BOC: variants seen among roughly 807,000 people sequenced by gnomAD.
BOC encodes BOC cell adhesion associated, oncogene regulated.
Under a neutral mutation model 112.0 loss-of-function variants are expected in BOC, and 76 were observed. That is an observed-to-expected ratio of 0.68 (90% CI 0.56 to 0.82). The LOEUF (loss-of-function observed/expected upper bound fraction) is 0.82. Among genes scored for constraint, BOC ranks in the 40% least tolerant of loss-of-function variants. The pLI is 0.00. For synonymous variants in BOC, 580 were observed against 599.8 expected, an observed-to-expected ratio of 0.97 and a Z score of 0.48; for missense variants, 1,309 against 1,511.7, an observed-to-expected ratio of 0.87 and a Z score of 2.22.
intron 9 of BOC, among the ~76,000 whole-genome samples, chr3:113,275,184 C>T (rs1043326419): frequency 6.6e-6 from 1 of 152,208 alleles, no homozygotes; most frequent in Non-Finnish European, 1.5e-5. Flanking sequence ...CTGTGAAACA[C>T]CCGCTCAGTT....
intron 9 of BOC, among the ~76,000 whole-genome samples, chr3:113,275,810 C>G (rs1948603711): frequency 6.6e-6 from 1 of 152,176 alleles, no homozygotes; most frequent in Non-Finnish European, 1.5e-5. Context: ...TGGCCCCTGA[C>G]TCCTTCTATT....
At position 113,274,288 on chromosome 3, in the gene BOC, CTTCT is replaced by C; in HGVS notation, c.1235-82_1235-79del. 1 of 1,356,540 alleles carries C rather than the reference CTTCT, an allele frequency of 7.4e-7. No homozygotes were observed. The highest frequency in any genetic ancestry group is 9.8e-7 in the Non-Finnish European group (1 of 1,019,560). 84.0% of individuals were successfully genotyped at this position (1,356,540 alleles called of 1,614,324 possible). A position where few individuals can be genotyped will look rare whatever the true frequency, so the allele number is the denominator to read the frequency against. ...TGGTGGGCCCAGGTTGCCTCTCTGT[CTTCT>C]TTCTGTTTTCTCCCCAGGAACAACA... On this transcript the variant is annotated intron_variant, in intron 8 of 19. Transcript: ENST00000682979. This position sits in a 1 kb window ranked among gnomAD's most constrained non-coding sequence, Gnocchi z 4.8.
chr3:113,235,699 G>A (rs1057091893), intron 2 of BOC, among the ~76,000 whole-genome samples: 3 of 152,164 alleles, frequency 2.0e-5, no homozygotes, highest in Non-Finnish European at 4.4e-5. Context: ...CCACAAACTT[G>A]GGAACACTAG....
In BOC at chr3:113,284,463, C is replaced by T. The variant is rs376785831; in HGVS notation, c.2785C>T (p.Arg929Trp). Residue 929 changes from arginine to tryptophan, a missense_variant, in exon 17 of 20, where the codon CGG (arginine) becomes TGG (tryptophan). Coordinates refer to ENST00000682979, the MANE Select transcript of BOC (RefSeq NM_001378074.1). ...GCCCTACCTCAGTGGCATCAGTGGA[C>T]GGGCCTGTGCTAATGGGATCCACAT... ...GQPYLSGISG[R>W]ACANGIHMNR... 2.4e-5 allele frequency: 39 copies of T among 1,614,130 alleles called. 1 individual carries two copies. The Middle Eastern group carries it at 9.9e-4, about 41-fold the overall frequency.
At chr3:113,279,777 G>GA (rs780459741) in intron 12 of BOC, 47 bp from the exon 13 acceptor site, 1 of 1,543,272 alleles carries the variant, frequency 6.5e-7, no homozygotes, top group Non-Finnish European at 8.8e-7. Flanking sequence ...GGGAGAATCA[G>GA]AAGGTATTTC....
At chr3:113,222,008 C>T (rs1181142274) in intron 2 of BOC, among the ~76,000 whole-genome samples, 1 of 152,234 alleles carries the variant, frequency 6.6e-6, no homozygotes, top group East Asian at 1.9e-4. Flanking sequence ...GATGCCTGCA[C>T]AGCACCCTCC....
In BOC at chr3:113,211,954, C is replaced by G. The variant is rs575030497; in HGVS notation, c.-232C>G. On this transcript the variant is annotated 5_prime_UTR_variant, in exon 1 of 20. Transcript: ENST00000682979. ...GCGGCGCGGCGCTGTGTGGCTCCCT[C>G]GCGCCCACCACGCTGGCCCCCGGGC... 3.3e-5 allele frequency: 5 copies of G among 152,590 alleles called. No homozygotes were observed. Among genetic ancestry groups the G allele is most frequent in the African/African-American group, 1.2e-4 (5 of 41,590 alleles). 9.5% of individuals were successfully genotyped at this position (152,590 alleles called of 1,614,324 possible). A position where few individuals can be genotyped will look rare whatever the true frequency, so the allele number is the denominator to read the frequency against.
At chr3:113,239,395 C>T (rs1324296841) in intron 2 of BOC, among the ~76,000 whole-genome samples, 4 of 152,126 alleles carry the variant, frequency 2.6e-5, no homozygotes, top group African/African-American at 4.8e-5. Context: ...CAAATCTTTT[C>T]GTGGCTTTAG....
chr3:113,237,284 T>G (rs111805972), intron 2 of BOC, among the ~76,000 whole-genome samples: 33 of 152,338 alleles, frequency 2.2e-4, no homozygotes, highest in African/African-American at 6.7e-4. Flanking sequence ...ACTAGGTGCC[T>G]TTCTCACATC....
rs147853055 is a variant in BOC, at chr3:113,273,269, G to A, written c.1162G>A (p.Val388Ile). Residue 388 changes from valine (V) to isoleucine (I), a missense_variant, in exon 8 of 20, where the codon GTC (valine) becomes ATC (isoleucine). Val to Ile is a conservative substitution (Grantham distance 29). Transcript: ENST00000682979. ...CAGCATGGGGCCTGAGGACGAAGGC[G>A]TCTACCAGTGCATGGCCGAGAACGA... ...VLSMGPEDEG[V>I]YQCMAENEVG... 2.0e-4 allele frequency: 326 copies of A among 1,612,636 alleles called. No homozygotes were observed. In the African/African-American group the frequency reaches 3.6e-3, roughly 18 times the overall value.
At chr3:113,257,568 AT>A (rs1419338672) in intron 4 of BOC, among the ~76,000 whole-genome samples, 1 of 151,182 alleles carries the variant, frequency 6.6e-6, no homozygotes, top group African/African-American at 2.5e-5. Context: ...TTTTCTCAAG[AT>A]TTTTTTTTCT....
chr3:113,248,130 G>C (rs901982726), intron 2 of BOC, among the ~76,000 whole-genome samples: 6 of 152,156 alleles, frequency 3.9e-5, no homozygotes, highest in Non-Finnish European at 7.4e-5. Flanking sequence ...CTGGTTTGGA[G>C]GGGTGCTCAT....
intron 1 of BOC, among the ~76,000 whole-genome samples, chr3:113,215,271 T>G (rs189450072): frequency 2.3e-4 from 35 of 152,318 alleles, no homozygotes; most frequent in Non-Finnish European, 4.4e-4. Context: ...TAAAGAAGGT[T>G]TTGCTTCTTT....
intron 4 of BOC, among the ~76,000 whole-genome samples, chr3:113,253,213 G>A (rs1355482699): frequency 1.3e-5 from 2 of 151,988 alleles, no homozygotes; most frequent in Non-Finnish European, 2.9e-5. Flanking sequence ...TCTTGATGTT[G>A]TATGATAAGC....
intron 2 of BOC, among the ~76,000 whole-genome samples, chr3:113,229,387 G>A (rs559275983): frequency 2.0e-5 from 3 of 152,278 alleles, no homozygotes; most frequent in African/African-American, 2.4e-5. Context: ...TTAAATTTGC[G>A]CATGCTTGGA....
At chr3:113,243,729 C>T (rs922584330) in intron 2 of BOC, among the ~76,000 whole-genome samples, 2 of 152,170 alleles carry the variant, frequency 1.3e-5, no homozygotes, top group African/African-American at 4.8e-5. Flanking sequence ...CCCTCATCCC[C>T]CTTGCTTGTA....
intron 2 of BOC, among the ~76,000 whole-genome samples, chr3:113,232,794 C>G (rs898875247): frequency 3.3e-5 from 5 of 152,172 alleles, no homozygotes; most frequent in East Asian, 1.9e-4. Context: ...AGGAGTTATT[C>G]AGATTTATTA....
rs1553726862 is a variant in BOC, at chr3:113,236,288, A to ATATATATATATATATATACCCATGGG, written c.-81-13416_-81-13415insCCCATGGGTATATATATATATATATA. On this transcript the variant is annotated intron_variant, in intron 2 of 19. Transcript: ENST00000682979. ...TGTGTATATATACCCATGGGTATAT[A>ATATATATATATATATATACCCATGGG]TATATATATATATATATATATATAC... 7.4e-4 allele frequency among the ~76,000 whole-genome samples: 16 copies of ATATATATATATATATATACCCATGGG among 21,658 alleles called. 1 individual carries two copies. Among genetic ancestry groups the ATATATATATATATATATACCCATGGG allele is most frequent in the East Asian group, 3.5e-3 (1 of 282 alleles). 14.2% of individuals were successfully genotyped at this position (21,658 alleles called of 152,430 possible). A position where few individuals can be genotyped will look rare whatever the true frequency, so the allele number is the denominator to read the frequency against.
At chr3:113,285,341 C>T (rs1357078268) in intron 18 of BOC, 31 bp from the exon 19 acceptor site, 2 of 1,608,864 alleles carry the variant, frequency 1.2e-6, no homozygotes, top group South Asian at 1.1e-5. Flanking sequence ...CTGCCCAGCC[C>T]CACCTCCCCA....
Sources: gnomAD v4.1 joint callset for allele counts (sites outside exome capture counted in the v4.1 genomes callset) on GRCh38, gnomAD v4.1.1 for gene constraint, Gnocchi (gnomAD v3.1) non-coding constraint, MANE v1.5 for transcripts, NCBI Gene and HGNC (gene_info 2026-07-23, HGNC 2026-07-21) for gene names.